TMEFF2: variants seen among roughly 807,000 people sequenced by gnomAD.
TMEFF2 encodes the protein tomoregulin-2.
A neutral mutation model predicts 53.8 loss-of-function variants in TMEFF2; 28 were observed. The ratio of observed to expected loss-of-function variants is 0.52; its 90% confidence interval spans 0.39 to 0.71. The LOEUF is 0.71. Among genes scored for constraint, TMEFF2 ranks in the 30% least tolerant of loss-of-function variants. The pLI is 0.00. For synonymous variants in TMEFF2, 162 were observed against 166.3 expected (o/e 0.97, Z 0.20); for missense variants, 353 against 455.2 (o/e 0.78, Z 2.04).
chr2:192,110,131 A>T (rs889670349), intron 4 of TMEFF2, among the ~76,000 whole-genome samples: 11 of 152,134 alleles, frequency 7.2e-5, no homozygotes, highest in Admixed American at 2.0e-4. Flanking sequence ...TATTAGAAGC[A>T]TGATAAACAA....
intron 5 of TMEFF2, among the ~76,000 whole-genome samples, chr2:192,046,911 G>T (rs1687635920): frequency 6.8e-6 from 1 of 146,238 alleles, no homozygotes. Flanking sequence ...TGTGTTACCT[G>T]TTTTTTTTTT....
chr2:191,976,955 T>C (rs1475245964), intron 7 of TMEFF2, among the ~76,000 whole-genome samples: 1 of 152,218 alleles, frequency 6.6e-6, no homozygotes, highest in Non-Finnish European at 1.5e-5. Flanking sequence ...TGGCACACAG[T>C]AAGTACTCAA....
At chr2:192,151,640 G>A (rs1690391628) in intron 4 of TMEFF2, among the ~76,000 whole-genome samples, 1 of 151,856 alleles carries the variant, frequency 6.6e-6, no homozygotes, top group African/African-American at 2.4e-5. Flanking sequence ...CAGACTAGAA[G>A]TGTAAACAGG....
At chr2:192,000,625 C>T (rs189197565) in intron 5 of TMEFF2, among the ~76,000 whole-genome samples, 30 of 152,234 alleles carry the variant, frequency 2.0e-4, no homozygotes, top group Non-Finnish European at 3.8e-4. Context: ...GGAATCACTG[C>T]TTGATCAGTC....
At chr2:192,166,923 T>C (rs1380585068) in intron 4 of TMEFF2, among the ~76,000 whole-genome samples, 3 of 152,170 alleles carry the variant, frequency 2.0e-5, no homozygotes, top group African/African-American at 7.2e-5. Context: ...CTGAAGAGTT[T>C]CCTGGGATAC....
At chr2:192,189,611 A>G (rs1165608223) in intron 2 of TMEFF2, among the ~76,000 whole-genome samples, 1 of 149,842 alleles carries the variant, frequency 6.7e-6, no homozygotes, top group African/African-American at 2.4e-5. Flanking sequence ...AGAAAGAAAC[A>G]GAAGTTTAGG....
intron 5 of TMEFF2, among the ~76,000 whole-genome samples, chr2:192,006,641 C>A (rs1346139570): frequency 6.6e-6 from 1 of 152,130 alleles, no homozygotes; most frequent in Non-Finnish European, 1.5e-5. Flanking sequence ...TCACTAAATG[C>A]ATATCAACTG....
intron 9 of TMEFF2, among the ~76,000 whole-genome samples, chr2:191,951,451 A>G (rs935166039): frequency 3.3e-5 from 5 of 152,248 alleles, no homozygotes; most frequent in African/African-American, 1.2e-4. Context: ...AAGAAAGTAG[A>G]AAGAAGGAGA....
chr2:192,002,358 T>C (rs2105839886), intron 5 of TMEFF2, among the ~76,000 whole-genome samples: 1 of 152,298 alleles, frequency 6.6e-6, no homozygotes, highest in South Asian at 2.1e-4. Flanking sequence ...CATCATTAAC[T>C]TCCATCTTTG....
intron 7 of TMEFF2, among the ~76,000 whole-genome samples, chr2:191,979,875 T>TA (rs111727666): frequency 5.6e-4 from 86 of 152,220 alleles, no homozygotes; most frequent in Non-Finnish European, 1.0e-3. Context: ...TATCTATCTA[T>TA]ATGTTTTAGC....
At chr2:192,135,303 A>G (rs1337528554) in intron 4 of TMEFF2, among the ~76,000 whole-genome samples, 3 of 152,142 alleles carry the variant, frequency 2.0e-5, no homozygotes, top group East Asian at 1.9e-4. Context: ...TGCTGGCAGG[A>G]CTATGCTGAA....
rs185754214 is a variant in TMEFF2, at chr2:192,009,030, A to G, written c.537-9822T>C. ...GTTGCTAGTTTGAAAATAATTGGCCACTACATTGTTCAGGTGGCTTTTATT... is the reference window on the plus strand; with the variant it reads ...GTTGCTAGTTTGAAAATAATTGGCCGCTACATTGTTCAGGTGGCTTTTATT... On this transcript the variant is annotated intron_variant, in intron 5 of 9. Transcript: ENST00000272771. Among the ~76,000 whole-genome samples, 10 of 152,362 alleles carry G rather than the reference A, an allele frequency of 6.6e-5. No individual in the cohort carries two copies. The East Asian group carries it at 1.9e-3, about 29-fold the overall frequency.
chr2:192,032,676 G>C lies in TMEFF2; in HGVS notation c.536+25003C>G, dbSNP rs567708985. The C allele has an allele frequency of 2.0e-5, 3 of 152,326 alleles. No homozygotes were observed. The South Asian group carries it at 6.2e-4, about 32-fold the overall frequency. The allele number at this position is 152,326 out of a possible 1,614,324, so 9.4% of individuals were successfully genotyped here. On this transcript the variant is annotated intron_variant, in intron 5 of 9. Coordinates refer to ENST00000272771, the MANE Select transcript of TMEFF2 (RefSeq NM_016192.4). ...GAGAGGCAATTTAATGAGGTAGTGA[G>C]AAGCCTGGGCTCTGGAGCCAGAATG...
At chr2:192,146,440 T>C (rs2105995361) in intron 4 of TMEFF2, among the ~76,000 whole-genome samples, 1 of 152,184 alleles carries the variant, frequency 6.6e-6, no homozygotes, top group Middle Eastern at 3.4e-3. Flanking sequence ...TCACATTGGC[T>C]TTAAGTGATA....
In TMEFF2 at chr2:191,991,533, T is replaced by A. The variant is rs1052342099; in HGVS notation, c.745+6729A>T. 9.9e-5 allele frequency among the ~76,000 whole-genome samples: 15 copies of A among 152,210 alleles called. 1 individual carries two copies. The highest frequency in any genetic ancestry group is 4.6e-4 in the Admixed American group (7 of 15,264). On this transcript the variant is annotated intron_variant, in intron 7 of 9. Coordinates refer to ENST00000272771, the MANE Select transcript of TMEFF2 (RefSeq NM_016192.4). Reference sequence around the variant, plus strand: ...TTAAACAGATCAAGAAACTGAGGCTTCAACTAATCAAGAAACCGAGCCTTC... The same window carrying A: ...TTAAACAGATCAAGAAACTGAGGCTACAACTAATCAAGAAACCGAGCCTTC...
intron 4 of TMEFF2, among the ~76,000 whole-genome samples, chr2:192,102,281 A>C (rs778634180): frequency 6.6e-6 from 1 of 152,224 alleles, no homozygotes; most frequent in Non-Finnish European, 1.5e-5. Flanking sequence ...AATAAAGGAC[A>C]TGCTTACAAG....
chr2:192,031,526 G>A (rs1450193826), intron 5 of TMEFF2: 1 of 152,204 alleles, frequency 6.6e-6, no homozygotes, highest in Non-Finnish European at 1.5e-5. Flanking sequence ...GATAACATCT[G>A]AGATTTATTA....
chr2:192,030,713 A>G (rs1043286635), intron 5 of TMEFF2: 5 of 152,112 alleles, frequency 3.3e-5, no homozygotes, highest in Non-Finnish European at 5.9e-5. Context: ...TAAAGGTACT[A>G]TGGGTCTGAA....
intron 4 of TMEFF2, among the ~76,000 whole-genome samples, chr2:192,088,157 T>G (rs992262872): frequency 6.6e-6 from 1 of 151,816 alleles, no homozygotes; most frequent in African/African-American, 2.4e-5. Flanking sequence ...TTTATCACTT[T>G]CTAGAAATTT....
Sources: gnomAD v4.1 joint callset for allele counts (sites outside exome capture counted in the v4.1 genomes callset) on GRCh38, gnomAD v4.1.1 for gene constraint, MANE v1.5 for transcripts, NCBI Gene and HGNC (gene_info 2026-07-23, HGNC 2026-07-21) for gene names.